Variants in COL5A2 observed in about 807,000 individuals in gnomAD.
The protein encoded by COL5A2 is collagen alpha-2(V) chain.
Under a neutral mutation model 208.2 loss-of-function variants are expected in COL5A2, and 23 were observed. The ratio of observed to expected loss-of-function variants is 0.11; its 90% confidence interval spans 0.08 to 0.16. The LOEUF (loss-of-function observed/expected upper bound fraction) is 0.16, where lower values mean the gene tolerates loss of function less well. COL5A2 is among the 10% of genes least tolerant of loss of function. The pLI, the probability that COL5A2 is intolerant of heterozygous loss-of-function variation, is 1.00. For missense variants in COL5A2, 1,590 were observed against 1,956.4 expected (o/e 0.81, Z 3.53); for synonymous variants, 625 against 628.5 (o/e 0.99, Z 0.08).
At chr2:189,293,639 G>T in the COL5A2 span, among the ~76,000 whole-genome samples, 1 of 152,152 alleles carries the variant, frequency 6.6e-6, no homozygotes, top group African/African-American at 2.4e-5. Context: ...ACCCCAGAGA[G>T]CTAGCTATCC....
the COL5A2 span, among the ~76,000 whole-genome samples, chr2:189,274,277 C>T: frequency 6.6e-6 from 1 of 152,094 alleles, no homozygotes; most frequent in Admixed American, 6.5e-5. Context: ...AATTAAACTC[C>T]TTCACAAGCA....
chr2:189,096,412 C>T (rs558385052), intron 6 of COL5A2, among the ~76,000 whole-genome samples: 37 of 151,734 alleles, frequency 2.4e-4, no homozygotes, highest in African/African-American at 8.0e-4. Context: ...GAGGCCGAGG[C>T]GGGCGGATCA....
the COL5A2 span, among the ~76,000 whole-genome samples, chr2:189,364,176 A>C: frequency 3.9e-5 from 6 of 152,356 alleles, no homozygotes; most frequent in Admixed American, 2.6e-4. Context: ...GAATTTTGTG[A>C]AATAGTATTT....
chr2:189,086,685 T>C, intron 9 of COL5A2, 41 bp downstream of exon 9: 1 of 1,482,124 alleles, frequency 6.7e-7, no homozygotes, highest in Non-Finnish European at 9.3e-7. Context: ...TGTGTGTGTA[T>C]GTTTTTCTTA....
In COL5A2 at chr2:189,176,806, G is replaced by A. The variant is rs192841936; in HGVS notation, c.97+2702C>T. Among the ~76,000 whole-genome samples the A allele has an allele frequency of 9.2e-5, 14 of 151,452 alleles. No homozygotes were observed. The East Asian group carries it at 2.1e-3, about 23-fold the overall frequency. ...ATACACCCACACAAACTCTTTAAAA[G>A]CTGATTTTTTTCATTTTAACTCCCT... On this transcript the variant is annotated intron_variant, in intron 1 of 53. Transcript: ENST00000374866.
chr2:189,407,781 C>A, the COL5A2 span, among the ~76,000 whole-genome samples: 1 of 152,122 alleles, frequency 6.6e-6, no homozygotes, highest in Non-Finnish European at 1.5e-5. Flanking sequence ...TCTTTACTAG[C>A]TCTGTTGTAC....
the COL5A2 span, among the ~76,000 whole-genome samples, chr2:189,239,422 G>A: frequency 1.3e-5 from 2 of 151,998 alleles, no homozygotes; most frequent in South Asian, 4.1e-4. Flanking sequence ...ACAAGGGGCA[G>A]AGGGAGGCAG....
intron 1 of COL5A2, among the ~76,000 whole-genome samples, chr2:189,199,181 T>C (rs1304591832): frequency 6.6e-6 from 1 of 152,222 alleles, no homozygotes; most frequent in Non-Finnish European, 1.5e-5. Context: ...AATTGACTAA[T>C]TGGTCAGTAT....
the COL5A2 span, among the ~76,000 whole-genome samples, chr2:189,357,463 G>GCTGT: frequency 3.3e-5 from 5 of 152,268 alleles, no homozygotes; most frequent in Admixed American, 2.6e-4. Context: ...GCCTTGCTGA[G>GCTGT]CTGTGGTGGG....
At chr2:189,215,121 A>G (rs1689262929) in intron 1 of COL5A2, among the ~76,000 whole-genome samples, 1 of 152,144 alleles carries the variant, frequency 6.6e-6, no homozygotes. Context: ...TCTGTTGAGT[A>G]TTTCAAGCTA....
At position 189,064,036 on chromosome 2, in the gene COL5A2, G is replaced by A. The variant is rs760304144; in HGVS notation, c.1717-3C>T. Reference sequence around the variant, plus strand: ...ACACCAGGATTTCCTGTCAAACCCTGAAAATAAAAAACCAACTGTCAGTTT... The same window carrying A: ...ACACCAGGATTTCCTGTCAAACCCTAAAAATAAAAAACCAACTGTCAGTTT... On this transcript the variant is annotated splice_polypyrimidine_tract_variant and splice_region_variant and intron_variant, in intron 25 of 53. Transcript: ENST00000374866. 6.2e-6 allele frequency: 10 copies of A among 1,612,782 alleles called. No homozygotes were observed. The highest frequency in any genetic ancestry group is 7.6e-6 in the Non-Finnish European group (9 of 1,179,360).
At chr2:189,145,735 C>A (rs1201110423) in intron 1 of COL5A2, among the ~76,000 whole-genome samples, 1 of 151,588 alleles carries the variant, frequency 6.6e-6, no homozygotes, top group African/African-American at 2.4e-5. Flanking sequence ...AGGGGAAGAC[C>A]CATATAATAG....
chr2:189,085,892 G>A, intron 9 of COL5A2, 120 bp from the exon 10 acceptor site: 1 of 781,354 alleles, frequency 1.3e-6, no homozygotes, highest in South Asian at 1.5e-5. Context: ...CCAGCTGTGT[G>A]ACTTTGGGCA....
chr2:189,238,015 T>G, the COL5A2 span, among the ~76,000 whole-genome samples: 70 of 152,022 alleles, frequency 4.6e-4, no homozygotes, highest in Middle Eastern at 3.4e-3. Flanking sequence ...ATTGAAATTG[T>G]CCATGGGTCT....
upstream of COL5A2, among the ~76,000 whole-genome samples, chr2:189,228,736 T>C (rs1259306715): frequency 6.6e-6 from 1 of 151,842 alleles, no homozygotes; most frequent in Non-Finnish European, 1.5e-5. Flanking sequence ...ACCAAACATT[T>C]AAATAATTAG....
At position 189,033,935 on chromosome 2, in the gene COL5A2, G is replaced by T; in HGVS notation, c.*135C>A. Reference sequence around the variant, plus strand: ...AAGGATAAGGAGGCCAGGCACTTAAGACCATATATACAATGCTGATGCAGG... The same window carrying T: ...AAGGATAAGGAGGCCAGGCACTTAATACCATATATACAATGCTGATGCAGG... On this transcript the variant is annotated 3_prime_UTR_variant, in exon 54 of 54. Coordinates refer to ENST00000374866, the MANE Select transcript of COL5A2 (RefSeq NM_000393.5). 8.8e-7 allele frequency: 1 copy of T among 1,138,286 alleles called. No individual in the cohort carries two copies. The highest frequency in any genetic ancestry group is 1.2e-5 in the South Asian group (1 of 80,314). The allele number at this position is 1,138,286 out of a possible 1,614,324, so 70.5% of individuals were successfully genotyped here. A position where few individuals can be genotyped will look rare whatever the true frequency, so the allele number is the denominator to read the frequency against.
At chr2:189,325,268 A>T in the COL5A2 span, among the ~76,000 whole-genome samples, 2 of 151,906 alleles carry the variant, frequency 1.3e-5, no homozygotes, top group African/African-American at 4.8e-5. Flanking sequence ...ATACATATGT[A>T]ACAAACCTGC....
chr2:189,102,365 G>T (rs1028100048), intron 3 of COL5A2, among the ~76,000 whole-genome samples: 13 of 151,988 alleles, frequency 8.6e-5, no homozygotes, highest in African/African-American at 2.7e-4. Context: ...ATTTAAAAGG[G>T]GTTAAGTGTT....
chr2:189,300,356 G>T, the COL5A2 span, among the ~76,000 whole-genome samples: 8 of 152,302 alleles, frequency 5.3e-5, no homozygotes, highest in South Asian at 1.4e-3. Flanking sequence ...CTTCTAGAGA[G>T]ACTGTGTAAA....
Sources: allele counts gnomAD v4.1 joint callset (sites outside exome capture counted in the v4.1 genomes callset), GRCh38; gene constraint gnomAD v4.1.1; transcripts MANE v1.5; gene names NCBI Gene and HGNC (gene_info 2026-07-23, HGNC 2026-07-21).